The following LRCH2 variants were observed in gnomAD, a reference collection of about 807,000 sequenced individuals.
LRCH2 encodes the protein leucine-rich repeat and calponin homology domain-containing protein 2.
Under a neutral mutation model 68.9 loss-of-function variants are expected in LRCH2, and 38 were observed. That is an observed-to-expected ratio of 0.55 (90% CI 0.43 to 0.72). The LOEUF (loss-of-function observed/expected upper bound fraction) is 0.72. Ranked by LOEUF, LRCH2 falls within the 30% of genes least tolerant of loss-of-function variation. The probability of loss-of-function intolerance (pLI) is 0.00; values close to 1 mark genes in which losing one functional copy is unlikely to be tolerated. For missense variants in LRCH2, 528 were observed against 572.9 expected, an observed-to-expected ratio of 0.92 and a Z score of 0.80; for synonymous variants, 191 against 208.1, an observed-to-expected ratio of 0.92 and a Z score of 0.71.
At chrX:115,193,232 A>G (rs1374664000) in intron 1 of LRCH2, among the ~76,000 whole-genome samples, 2 of 111,605 alleles carry the variant, frequency 1.8e-5, no homozygotes, top group Non-Finnish European at 3.8e-5. Context: ...AAAAAAAGAT[A>G]CTCTACTGGG....
intron 12 of LRCH2, among the ~76,000 whole-genome samples, chrX:115,152,111 CAGG>C (rs2072436682): frequency 9.0e-6 from 1 of 111,423 alleles, no homozygotes; most frequent in Non-Finnish European, 1.9e-5. Flanking sequence ...CTCAGAGGAC[CAGG>C]AGTAGTACCA....
intron 12 of LRCH2, among the ~76,000 whole-genome samples, chrX:115,151,046 T>C (rs2072427827): frequency 9.0e-6 from 1 of 111,705 alleles, no homozygotes; most frequent in Non-Finnish European, 1.9e-5. Context: ...AGGTATAACT[T>C]CTCTTTCAAC....
chrX:115,167,217 A>AAAAAAAAAAAAT (rs2072568952), intron 6 of LRCH2, among the ~76,000 whole-genome samples: 1 of 103,422 alleles, frequency 9.7e-6, no homozygotes, highest in African/African-American at 3.4e-5. Flanking sequence ...AAAAAAAAAA[A>AAAAAAAAAAAAT]AACAATAACA....
chrX:115,205,809 G>C (rs2072962258), intron 1 of LRCH2, among the ~76,000 whole-genome samples: 1 of 110,490 alleles, frequency 9.1e-6, no homozygotes, highest in African/African-American at 3.3e-5. Flanking sequence ...ATAGTGGCAA[G>C]CACCTATAAT....
In LRCH2 at chrX:115,206,412, G is replaced by A. The variant is rs782014310; in HGVS notation, c.350-18042C>T. ...TGACGCCCACACTGGAAGGTTGTGG[G>A]TTTACCGGAATGAGGGCAAGGAACA... On this transcript the variant is annotated intron_variant, in intron 1 of 20. Transcript: ENST00000317135. Among the ~76,000 whole-genome samples, 4 of 112,180 alleles carry A rather than the reference G, an allele frequency of 3.6e-5. No homozygotes were observed. The South Asian group carries it at 1.5e-3, about 42-fold the overall frequency.
chrX:115,211,950 CT>C (rs2073010444), intron 1 of LRCH2, among the ~76,000 whole-genome samples: 1 of 112,234 alleles, frequency 8.9e-6, no homozygotes, highest in South Asian at 3.7e-4. Context: ...GCTCTTATTA[CT>C]TTTCAATATT....
intron 5 of LRCH2, among the ~76,000 whole-genome samples, chrX:115,173,271 T>C (rs1044183222): frequency 3.6e-5 from 4 of 111,935 alleles, no homozygotes; most frequent in Non-Finnish European, 7.5e-5. Flanking sequence ...GCTAAGGGGC[T>C]CTGCTGCCTG....
Position 115,234,090 on chromosome X carries a change from C to G in LRCH2, c.-49G>C, listed in dbSNP as rs2147377175. On this transcript the variant is annotated 5_prime_UTR_variant, in exon 1 of 21. Transcript: ENST00000317135. ...CCGACAATACTGTCAGCCTGTGCCG[C>G]GAGTGTAAGGGGTTCTTAGGACGCA... 1 of 1,143,091 alleles carries G rather than the reference C, an allele frequency of 8.7e-7. No homozygotes were observed. Among genetic ancestry groups the G allele is most frequent in the African/African-American group, 1.8e-5 (1 of 54,671 alleles). 94.2% of individuals were successfully genotyped at this position (1,143,091 alleles called of 1,213,427 possible).
At chrX:115,179,859 A>G in intron 3 of LRCH2, 108 bp from the exon 4 acceptor site, 1 of 255,321 alleles carries the variant, frequency 3.9e-6, no homozygotes, top group East Asian at 9.5e-5. Flanking sequence ...TAGCTAGCAA[A>G]AGTTATCCTC....
chrX:115,160,236 A>G (rs1387675147), intron 11 of LRCH2, among the ~76,000 whole-genome samples: 2 of 110,965 alleles, frequency 1.8e-5, no homozygotes, highest in Non-Finnish European at 3.8e-5. Context: ...GAATTGCTTG[A>G]ACCCGGGAGG....
rs1556539842 is a variant in LRCH2, at chrX:115,156,659, T to C, written c.1472A>G (p.Asn491Ser). 1.8e-6 allele frequency: 2 copies of C among 1,122,791 alleles called. No individual in the cohort carries two copies. Among genetic ancestry groups the C allele is most frequent in the South Asian group, 2.2e-5 (1 of 46,407 alleles). The allele number at this position is 1,122,791 out of a possible 1,213,427, so 92.5% of individuals were successfully genotyped here. A position where few individuals can be genotyped will look rare whatever the true frequency, so the allele number is the denominator to read the frequency against. The change falls in exon 12 of 21, where the codon AAT (asparagine) becomes AGT (serine). Residue 491 changes from asparagine (N) to serine (S), a missense_variant. Asn to Ser is a conservative substitution (Grantham distance 46). Coordinates refer to ENST00000317135, the MANE Select transcript of LRCH2 (RefSeq NM_020871.4). ...GTTTCTCATCACAGAAGTTGAATGA[T>C]TAAGAATCCTAGAAGTAAATCAACA... The part of the protein sequence containing the change: ...LQQEQKNRIL[N>S]HSTSVMRNKP...
intron 16 of LRCH2, chrX:115,126,198 T>A (rs1371400568): frequency 1.8e-5 from 2 of 111,835 alleles, no homozygotes; most frequent in Non-Finnish European, 3.8e-5. Context: ...TAAATTTATC[T>A]CTTGTTGTAA....
chrX:115,130,812 ATCT>A (rs782202494), intron 14 of LRCH2, among the ~76,000 whole-genome samples: 1 of 111,815 alleles, frequency 8.9e-6, no homozygotes, highest in Non-Finnish European at 1.9e-5. Flanking sequence ...AACCCATTTA[ATCT>A]TCTTAACAAC....
Position 115,190,056 on chromosome X carries a change from G to C in LRCH2, c.350-1686C>G, listed in dbSNP as rs781873277. The C allele has an allele frequency of 6.8e-5, 79 of 1,155,380 alleles. No individual in the cohort carries two copies. In the African/African-American group the frequency reaches 1.4e-3, roughly 20 times the overall value. ...GGCGCTGGGCCGGCCCACCCCACAA[G>C]AGGGCTGTGCCCCGGTCAAGCCTGG... On this transcript the variant is annotated intron_variant, in intron 1 of 20. Coordinates refer to ENST00000317135, the MANE Select transcript of LRCH2 (RefSeq NM_020871.4).
chrX:115,114,722 T>C (rs2072068373), intron 20 of LRCH2, among the ~76,000 whole-genome samples: 2 of 110,752 alleles, frequency 1.8e-5, no homozygotes, highest in Non-Finnish European at 3.8e-5. Context: ...AATAACTTCA[T>C]AATAATAGTT....
rs1179389059 is a variant in LRCH2 at position 115,192,133 on chromosome X, A to G, written c.350-3763T>C. On this transcript the variant is annotated intron_variant, in intron 1 of 20. Transcript: ENST00000317135. ...CTACAGCAGGGGCCGCGACAGTTTCAGCAACAGCTATGGCCGGAGTGACCA... is the reference window on the plus strand; with the variant it reads ...CTACAGCAGGGGCCGCGACAGTTTCGGCAACAGCTATGGCCGGAGTGACCA... The G allele has an allele frequency of 2.6e-6, 3 of 1,165,901 alleles. No homozygotes were observed. In the African/African-American group the frequency reaches 5.4e-5, roughly 21 times the overall value.
rs781988224 is a variant in LRCH2 at position 115,126,809 on chromosome X, G to C, written c.1791+34C>G. 25 of 1,042,457 alleles carry C rather than the reference G, an allele frequency of 2.4e-5. No homozygotes were observed. The East Asian group carries it at 8.9e-4, about 37-fold the overall frequency. 85.9% of individuals were successfully genotyped at this position (1,042,457 alleles called of 1,213,427 possible). A position where few individuals can be genotyped will look rare whatever the true frequency, so the allele number is the denominator to read the frequency against. On this transcript the variant is annotated intron_variant, in intron 16 of 20. Transcript: ENST00000317135. ...GTAAAACACAGAAAACATACAAAAC[G>C]TATTTTTAAGACAAATAAAAACAGA...
At chrX:115,137,986 G>C (rs1326293631) in intron 14 of LRCH2, among the ~76,000 whole-genome samples, 1 of 111,100 alleles carries the variant, frequency 9.0e-6, no homozygotes, top group Non-Finnish European at 1.9e-5. Context: ...CTAAAAGAGA[G>C]CAAAGAGATA....
intron 1 of LRCH2, among the ~76,000 whole-genome samples, chrX:115,218,788 G>A (rs2073058949): frequency 1.8e-5 from 2 of 112,157 alleles, no homozygotes; most frequent in Admixed American, 9.5e-5. Context: ...GGGGCTGTGA[G>A]AGGCTGCTCG....
Sources: allele counts gnomAD v4.1 joint callset (sites outside exome capture counted in the v4.1 genomes callset), GRCh38; gene constraint gnomAD v4.1.1; transcripts MANE v1.5; gene names NCBI Gene and HGNC (gene_info 2026-07-23, HGNC 2026-07-21).